MARK1: variants seen among roughly 807,000 people sequenced by gnomAD.
MARK1 encodes microtubule affinity regulating kinase 1, also known as serine/threonine-protein kinase MARK1.
In MARK1, 40 loss-of-function variants were observed where a neutral mutation model predicts 96.3. The observed-to-expected ratio is 0.42, with a 90% CI of 0.32 to 0.54. The LOEUF is 0.54. Among genes scored for constraint, MARK1 ranks in the 20% least tolerant of loss-of-function variants. MARK1 has a pLI of 0.16. For missense variants in MARK1, 719 were observed against 984.6 expected (o/e 0.73, Z 3.61); for synonymous variants, 317 against 341.2 (o/e 0.93, Z 0.78).
intron 17 of MARK1, among the ~76,000 whole-genome samples, chr1:220,660,560 A>G (rs975923159): frequency 5.9e-5 from 9 of 152,200 alleles, no homozygotes; most frequent in Non-Finnish European, 1.2e-4. Context: ...CTTAAATCAC[A>G]TAAGTGAGAT....
chr1:220,575,342 A>G (rs12070098), intron 1 of MARK1, among the ~76,000 whole-genome samples: 2,745 of 152,354 alleles, frequency 0.018, 81 homozygotes, highest in African/African-American at 0.062. Flanking sequence ...ATTCATAGAC[A>G]TGCTGTAATT....
At chr1:220,660,217 C>T (rs1669399358) in intron 17 of MARK1, among the ~76,000 whole-genome samples, 1 of 152,182 alleles carries the variant, frequency 6.6e-6, no homozygotes, top group African/African-American at 2.4e-5. Context: ...GGTTGGCTTG[C>T]AAGCCCTAAG....
In MARK1 at chr1:220,609,788, G is replaced by A. The variant is rs925786432; in HGVS notation, c.495+5651G>A. Among the ~76,000 whole-genome samples, 13 of 152,214 alleles carry A rather than the reference G, an allele frequency of 8.5e-5. No individual in the cohort carries two copies. In the South Asian group the frequency reaches 1.0e-3, roughly 12 times the overall value. On this transcript the variant is annotated intron_variant, in intron 6 of 17. Coordinates refer to ENST00000366917, the MANE Select transcript of MARK1 (RefSeq NM_018650.5). ...CTCTCAGCATTTGCTTGTCTGTAAA[G>A]GATTTTATTTCTCCTTCACTTATGA...
In MARK1 at chr1:220,528,704, T is replaced by G. The variant is rs898766410; in HGVS notation, c.-119T>G. On this transcript the variant is annotated 5_prime_UTR_variant, in exon 1 of 18. Coordinates refer to ENST00000366917, the MANE Select transcript of MARK1 (RefSeq NM_018650.5). ...CCGCTTGTTGCACCGCCCCGCGGCC[T>G]GCGGGAGCCGCTCGCCCCGGCCTTG... The G allele has an allele frequency of 4.7e-6, 4 of 855,646 alleles. No individual in the cohort carries two copies. Among genetic ancestry groups the G allele is most frequent in the Non-Finnish European group, 6.8e-6 (4 of 586,102 alleles). The allele number at this position is 855,646 out of a possible 1,614,324, so 53.0% of individuals were successfully genotyped here.
chr1:220,632,054 G>T, intron 10 of MARK1, 147 bp from the exon 11 acceptor site: 1 of 477,846 alleles, frequency 2.1e-6, no homozygotes, highest in Non-Finnish European at 3.8e-6. Flanking sequence ...GTATCCGTAG[G>T]TTAATAGTCC....
intron 3 of MARK1, among the ~76,000 whole-genome samples, chr1:220,590,595 G>A (rs1033202193): frequency 6.6e-6 from 1 of 152,140 alleles, no homozygotes; most frequent in Non-Finnish European, 1.5e-5. Context: ...ATTTAGGGGG[G>A]CACAGTTCAT....
chr1:220,636,159 A>G, intron 13 of MARK1, 133 bp downstream of exon 13: 2 of 615,066 alleles, frequency 3.3e-6, no homozygotes, highest in Non-Finnish European at 2.6e-6. Context: ...AACATGCAAA[A>G]GGGACCACAC....
intron 13 of MARK1, among the ~76,000 whole-genome samples, chr1:220,643,925 A>G (rs1668428885): frequency 6.6e-6 from 1 of 152,208 alleles, no homozygotes; most frequent in African/African-American, 2.4e-5. Flanking sequence ...GAAGTACTAA[A>G]CATGGATAGG....
At chr1:220,626,448 G>C (rs1026787743) in intron 9 of MARK1, 1 of 542,458 alleles carries the variant, frequency 1.8e-6, no homozygotes, top group African/African-American at 1.9e-5. Context: ...AGTCCTATGA[G>C]GCCATTTCAA....
intron 17 of MARK1, among the ~76,000 whole-genome samples, 177 bp downstream of exon 17, chr1:220,658,011 C>CT (rs1669273836): frequency 1.3e-5 from 2 of 152,164 alleles, no homozygotes; most frequent in East Asian, 3.8e-4. Context: ...AGTCAGTCAA[C>CT]TTTAAGTTTG....
At chr1:220,612,472 A>G (rs1425800886) in intron 6 of MARK1, among the ~76,000 whole-genome samples, 2 of 152,112 alleles carry the variant, frequency 1.3e-5, no homozygotes, top group Non-Finnish European at 2.9e-5. Context: ...AACAATGGCA[A>G]ATATTTTCTT....
chr1:220,558,888 A>T (rs1472553648), intron 1 of MARK1, among the ~76,000 whole-genome samples: 1 of 152,154 alleles, frequency 6.6e-6, no homozygotes, highest in Non-Finnish European at 1.5e-5. Flanking sequence ...TTTATAGAAC[A>T]TTTCAGCTAA....
rs919585580 is a variant in MARK1, at chr1:220,618,133, T to C, written c.553-177T>C. ...TATGTAGTGTTAAAATTTAGTCTTA[T>C]GTAGATGTAATTCAGAACAGTTATG... On this transcript the variant is annotated intron_variant, in intron 7 of 17. Coordinates refer to ENST00000366917, the MANE Select transcript of MARK1 (RefSeq NM_018650.5). The surrounding 1 kb of genome is among the most constrained non-coding windows in gnomAD (Gnocchi z 4.6). 1.3e-5 allele frequency among the ~76,000 whole-genome samples: 2 copies of C among 152,234 alleles called. No individual in the cohort carries two copies. Among genetic ancestry groups the C allele is most frequent in the Non-Finnish European group, 2.9e-5 (2 of 68,042 alleles).
At chr1:220,557,660 G>A (rs931207916) in intron 1 of MARK1, among the ~76,000 whole-genome samples, 1 of 152,116 alleles carries the variant, frequency 6.6e-6, no homozygotes, top group African/African-American at 2.4e-5. Flanking sequence ...ATAGTTCAGG[G>A]AGAAGGAAAC....
intron 6 of MARK1, among the ~76,000 whole-genome samples, chr1:220,604,550 G>T (rs1208586989): frequency 1.3e-5 from 2 of 151,734 alleles, no homozygotes; most frequent in Non-Finnish European, 2.9e-5. Context: ...TTTAATTAAA[G>T]ATGTTTTGGT....
intron 1 of MARK1, among the ~76,000 whole-genome samples, chr1:220,537,016 A>T (rs1280463661): frequency 6.6e-6 from 1 of 151,224 alleles, no homozygotes; most frequent in African/African-American, 2.4e-5. Context: ...TCAGGGGTAC[A>T]TGTACAGGAT....
chr1:220,659,609 C>T (rs552936532), intron 17 of MARK1, among the ~76,000 whole-genome samples: 1 of 152,276 alleles, frequency 6.6e-6, no homozygotes, highest in African/African-American at 2.4e-5. Flanking sequence ...TTAATATCCA[C>T]ATTTCCAGGA....
chr1:220,625,604 T>C lies in MARK1; in HGVS notation c.910-5431T>C, dbSNP rs1331142636. On this transcript the variant is annotated intron_variant, in intron 9 of 17. Coordinates refer to ENST00000366917, the MANE Select transcript of MARK1 (RefSeq NM_018650.5). ...TAGGTGGGAAGATAGGGGAAAACAT[T>C]CTAGGCAAATATCCTTGTCTTTTAT... 2.4e-5 allele frequency: 5 copies of C among 208,948 alleles called. No homozygotes were observed. The Admixed American group carries it at 2.6e-4, about 11-fold the overall frequency. 12.9% of individuals were successfully genotyped at this position (208,948 alleles called of 1,614,324 possible).
chr1:220,598,869 C>G (rs1251574260), intron 4 of MARK1, among the ~76,000 whole-genome samples: 1 of 151,840 alleles, frequency 6.6e-6, no homozygotes, highest in African/African-American at 2.4e-5. Context: ...GGCCCAGCTA[C>G]TCAGGAGGAT....
Sources: allele counts gnomAD v4.1 joint callset (sites outside exome capture counted in the v4.1 genomes callset), GRCh38; gene constraint gnomAD v4.1.1; non-coding constraint Gnocchi (gnomAD v3.1); transcripts MANE v1.5; gene names NCBI Gene and HGNC (gene_info 2026-07-23, HGNC 2026-07-21).